CLASP2: variants seen among roughly 807,000 people sequenced by gnomAD.
CLASP2 encodes CLIP-associating protein 2.
Under a neutral mutation model 194.4 loss-of-function variants are expected in CLASP2, and 47 were observed. That is an observed-to-expected ratio of 0.24 (90% CI 0.19 to 0.31). The LOEUF is 0.31. Ranked by LOEUF, CLASP2 falls within the 10% of genes least tolerant of loss-of-function variation. The probability of loss-of-function intolerance (pLI) is 1.00; values close to 1 mark genes in which losing one functional copy is unlikely to be tolerated. For missense variants in CLASP2, 1,445 were observed against 1,823.6 expected (o/e 0.79, Z 3.78); for synonymous variants, 619 against 633.5 (o/e 0.98, Z 0.34).
intron 14 of CLASP2, among the ~76,000 whole-genome samples, chr3:33,607,888 A>G (rs1052170871): frequency 2.0e-5 from 3 of 152,230 alleles, no homozygotes; most frequent in African/African-American, 7.2e-5. Context: ...AACGCAAAGA[A>G]AACTTGAAAT....
At chr3:33,581,966 A>T in intron 22 of CLASP2, 38 bp from the exon 23 acceptor site, 1 of 1,411,382 alleles carries the variant, frequency 7.1e-7, no homozygotes, top group Non-Finnish European at 1.0e-6. Flanking sequence ...AGTAAGGGAG[A>T]AAACAGAACA....
intron 6 of CLASP2, among the ~76,000 whole-genome samples, chr3:33,676,943 A>T (rs1016499489): frequency 1.3e-5 from 2 of 152,372 alleles, no homozygotes; most frequent in African/African-American, 4.8e-5. Flanking sequence ...GCCAAAAAAC[A>T]CATGAAAAAA....
chr3:33,673,237 A>T (rs968420876), intron 6 of CLASP2, among the ~76,000 whole-genome samples: 2 of 152,248 alleles, frequency 1.3e-5, no homozygotes, highest in African/African-American at 4.8e-5. Flanking sequence ...GACTAACAGC[A>T]GATGTCTCGG....
At chr3:33,641,638 A>G (rs968658793) in intron 8 of CLASP2, among the ~76,000 whole-genome samples, 1 of 152,034 alleles carries the variant, frequency 6.6e-6, no homozygotes, top group Admixed American at 6.5e-5. Flanking sequence ...TGGATAGGAT[A>G]CTTTGCTAAA....
chr3:33,684,581 T>C, intron 5 of CLASP2, 125 bp from the exon 6 acceptor site: 1 of 492,276 alleles, frequency 2.0e-6, no homozygotes. Context: ...CCCCTGCATA[T>C]ATGGCTTGTC....
intron 3 of CLASP2, 68 bp from the exon 4 acceptor site, chr3:33,688,436 T>A (rs2090966010): frequency 1.7e-6 from 2 of 1,167,754 alleles, no homozygotes; most frequent in Admixed American, 4.7e-5. Context: ...CTTTTATTTC[T>A]TCCCAATCTT....
rs746226547 is a variant in CLASP2 at position 33,596,601 on chromosome 3, T to G, written c.1948+110A>C. Reference sequence around the variant, plus strand: ...TTTTCACATTAACATTATCACTAAATAAGTATTAATAATATATTTTTAGAA... The same window carrying G: ...TTTTCACATTAACATTATCACTAAAGAAGTATTAATAATATATTTTTAGAA... On this transcript the variant is annotated intron_variant, in intron 19 of 38. Transcript: ENST00000682230. 6 of 787,990 alleles carry G rather than the reference T, an allele frequency of 7.6e-6. No homozygotes were observed. In the South Asian group the frequency reaches 1.1e-4, roughly 14 times the overall value. 48.8% of individuals were successfully genotyped at this position (787,990 alleles called of 1,614,324 possible).
intron 1 of CLASP2, among the ~76,000 whole-genome samples, chr3:33,705,663 A>C (rs958900987): frequency 6.6e-6 from 1 of 152,216 alleles, no homozygotes; most frequent in African/African-American, 2.4e-5. Context: ...GAATATACTT[A>C]GGAATCTATC....
At chr3:33,534,212 C>T (rs1576024516) in intron 34 of CLASP2, among the ~76,000 whole-genome samples, 2 of 152,038 alleles carry the variant, frequency 1.3e-5, no homozygotes, top group East Asian at 3.9e-4. Context: ...GTACTAGAAT[C>T]TTAAGAAAAG....
intron 27 of CLASP2, among the ~76,000 whole-genome samples, chr3:33,564,654 G>A (rs981351325): frequency 2.0e-5 from 3 of 152,074 alleles, no homozygotes; most frequent in Non-Finnish European, 4.4e-5. Context: ...ACAGTGGCAC[G>A]ATCATGGTAC....
At chr3:33,617,570 A>G (rs9990191) in intron 12 of CLASP2, among the ~76,000 whole-genome samples, 56,597 of 151,908 alleles carry the variant, frequency 0.37, 10,977 homozygotes, top group Admixed American at 0.48. Context: ...AACAAGTCTC[A>G]ATACATAAAA....
intron 8 of CLASP2, among the ~76,000 whole-genome samples, chr3:33,644,116 G>A (rs148137972): frequency 6.6e-6 from 1 of 152,086 alleles, no homozygotes; most frequent in African/African-American, 2.4e-5. Flanking sequence ...ACACATGAAA[G>A]AATACCCATT....
intron 15 of CLASP2, among the ~76,000 whole-genome samples, 187 bp downstream of exon 15, chr3:33,607,197 A>G (rs79122504): frequency 0.067 from 10,160 of 152,332 alleles, 466 homozygotes; most frequent in Non-Finnish European, 0.098. Context: ...TGATGATTAC[A>G]TGTCAGTGGC....
chr3:33,693,467 T>G (rs1030864917), intron 2 of CLASP2, among the ~76,000 whole-genome samples: 1 of 152,200 alleles, frequency 6.6e-6, no homozygotes, highest in Admixed American at 6.5e-5. Context: ...GAGATCTGGC[T>G]AAGTTCTGTA....
intron 36 of CLASP2, among the ~76,000 whole-genome samples, chr3:33,513,378 A>G (rs1490832286): frequency 6.6e-6 from 1 of 152,038 alleles, no homozygotes; most frequent in African/African-American, 2.4e-5. Context: ...GTTTCCACAC[A>G]AAAATTAGCT....
chr3:33,560,745 C>A, intron 28 of CLASP2, 63 bp downstream of exon 28: 1 of 1,426,252 alleles, frequency 7.0e-7, no homozygotes, highest in Non-Finnish European at 9.7e-7. Flanking sequence ...GAACTATTAA[C>A]ACAGGGGTTA....
chr3:33,513,194 CAT>C (rs2050406768), intron 36 of CLASP2, among the ~76,000 whole-genome samples: 1 of 152,046 alleles, frequency 6.6e-6, no homozygotes, highest in Admixed American at 6.6e-5. Flanking sequence ...AGTGAAATGC[CAT>C]AGATGTACCA....
Position 33,496,471 on chromosome 3 carries a change from A to G in CLASP2, c.*2160T>C, listed in dbSNP as rs2045795663. ...TAATCAGCTTTCTTATAGTCTTATC[A>G]ACTGAGATTATAAAATTGTAAACAC... On this transcript the variant is annotated 3_prime_UTR_variant, in exon 39 of 39. Transcript: ENST00000682230. The G allele has an allele frequency of 6.6e-6, 1 of 152,160 alleles. No homozygotes were observed. The highest frequency in any genetic ancestry group is 6.6e-5 in the Admixed American group (1 of 15,266). 9.4% of individuals were successfully genotyped at this position (152,160 alleles called of 1,614,324 possible).
intron 30 of CLASP2, among the ~76,000 whole-genome samples, chr3:33,547,415 T>C (rs560671635): frequency 1.4e-4 from 22 of 152,392 alleles, no homozygotes; most frequent in African/African-American, 4.6e-4. Context: ...GTAAGTTCAA[T>C]TAAACCTTTA....
Sources: allele counts gnomAD v4.1 joint callset (sites outside exome capture counted in the v4.1 genomes callset), GRCh38; gene constraint gnomAD v4.1.1; transcripts MANE v1.5; gene names NCBI Gene and HGNC (gene_info 2026-07-23, HGNC 2026-07-21).